FMNL3: variants seen among roughly 807,000 people sequenced by gnomAD.
FMNL3 encodes formin-like protein 3.
Under a neutral mutation model 119.6 loss-of-function variants are expected in FMNL3, and 57 were observed. That is an observed-to-expected ratio of 0.48 (90% CI 0.39 to 0.59). The LOEUF is 0.59. FMNL3 is among the 20% of genes least tolerant of loss of function. The pLI is 0.00. For synonymous variants in FMNL3, 491 were observed against 507.3 expected (o/e 0.97, Z 0.43); for missense variants, 1,053 against 1,323.5 (o/e 0.80, Z 3.17).
chr12:49,674,624 A>G (rs1045939463), intron 1 of FMNL3, among the ~76,000 whole-genome samples: 2 of 152,234 alleles, frequency 1.3e-5, no homozygotes, highest in African/African-American at 2.4e-5. Context: ...ACCACATGAC[A>G]AAAGGCATAA....
At chr12:49,654,820 T>C in intron 10 of FMNL3, 90 bp downstream of exon 10, 1 of 1,220,348 alleles carries the variant, frequency 8.2e-7, no homozygotes, top group South Asian at 1.4e-5. Context: ...ACGTGGAATA[T>C]CAAGATACGC....
At chr12:49,668,731 T>C (rs1006289003) in intron 1 of FMNL3, among the ~76,000 whole-genome samples, 177 bp from the exon 2 acceptor site, 2 of 152,162 alleles carry the variant, frequency 1.3e-5, no homozygotes, top group African/African-American at 2.4e-5. Context: ...TCATGTTTGG[T>C]TGAGCAATGT....
At chr12:49,692,849 G>C (rs1944642477) in intron 1 of FMNL3, among the ~76,000 whole-genome samples, 1 of 152,142 alleles carries the variant, frequency 6.6e-6, no homozygotes, top group South Asian at 2.1e-4. Flanking sequence ...TAGTAAGTGG[G>C]GAAGATCTGA....
Position 49,642,125 on chromosome 12 carries a change from G to A in FMNL3, c.*3690C>T. 5 of 1,603,246 alleles carry A rather than the reference G, an allele frequency of 3.1e-6. No individual in the cohort carries two copies. The highest frequency in any genetic ancestry group is 4.3e-6 in the Non-Finnish European group (5 of 1,172,474). ...CACTGACTATATTCCCAATTCAGGG[G>A]ATGGTGGTAGAAGCCCAGACCCTAA... On this transcript the variant is annotated 3_prime_UTR_variant, in exon 26 of 26. Transcript: ENST00000335154. The surrounding 1 kb of genome is among the most constrained non-coding windows in gnomAD (Gnocchi z 5.8).
chr12:49,646,263 TATGAG>T (rs1943180111), intron 25 of FMNL3, among the ~76,000 whole-genome samples: 2 of 152,136 alleles, frequency 1.3e-5, no homozygotes, highest in African/African-American at 4.8e-5. Flanking sequence ...CCAGAGCTCT[TATGAG>T]AAGAGAACCG....
At chr12:49,652,714 G>A (rs2138749218) in intron 13 of FMNL3, among the ~76,000 whole-genome samples, 1 of 152,292 alleles carries the variant, frequency 6.6e-6, no homozygotes, top group East Asian at 1.9e-4. Context: ...GCTCAACAGA[G>A]CCAGCATATA....
chr12:49,653,611 G>A lies in FMNL3; in HGVS notation c.1221+114C>T, dbSNP rs375697900. ...TGAGTATGCTCTTGAGAGCCCTGGT[G>A]GGTTCTAAAGCCTCCCTGGGACTCA... On this transcript the variant is annotated intron_variant, in intron 12 of 25. Coordinates refer to ENST00000335154, the MANE Select transcript of FMNL3 (RefSeq NM_175736.5). 1.0e-5 allele frequency: 15 copies of A among 1,446,072 alleles called. No homozygotes were observed. In the South Asian group the frequency reaches 1.8e-4, roughly 18 times the overall value. The allele number at this position is 1,446,072 out of a possible 1,614,324, so 89.6% of individuals were successfully genotyped here.
chr12:49,693,876 G>A (rs371429087), intron 1 of FMNL3, among the ~76,000 whole-genome samples: 142 of 151,790 alleles, frequency 9.4e-4, no homozygotes, highest in African/African-American at 3.1e-3. Context: ...TCAAACTCCC[G>A]ACCTCAGGTG....
At chr12:49,646,807 A>G (rs1943211776) in intron 25 of FMNL3, 79 bp downstream of exon 25, 2 of 1,605,062 alleles carry the variant, frequency 1.2e-6, no homozygotes, top group South Asian at 2.2e-5. Flanking sequence ...GTGGGGTGGG[A>G]GGAGAGCCCA....
intron 5 of FMNL3, among the ~76,000 whole-genome samples, chr12:49,659,318 G>C (rs1260407998): frequency 6.6e-6 from 1 of 152,166 alleles, no homozygotes; most frequent in African/African-American, 2.4e-5. Context: ...TGAGATTGTA[G>C]ACCAGGGTCC....
At chr12:49,696,845 C>T (rs1944763397) in intron 1 of FMNL3, among the ~76,000 whole-genome samples, 1 of 152,202 alleles carries the variant, frequency 6.6e-6, no homozygotes, top group African/African-American at 2.4e-5. Context: ...GAACCAATAA[C>T]CAGGGCTCCT....
intron 1 of FMNL3, among the ~76,000 whole-genome samples, chr12:49,699,976 A>C (rs758473582): frequency 4.6e-4 from 70 of 152,372 alleles, no homozygotes; most frequent in Admixed American, 5.9e-4. Flanking sequence ...AAACGCCTTT[A>C]AAAACCATAT....
chr12:49,667,568 A>C (rs148935765), intron 2 of FMNL3, among the ~76,000 whole-genome samples: 1 of 152,250 alleles, frequency 6.6e-6, no homozygotes, highest in African/African-American at 2.4e-5. Flanking sequence ...CCCTGGCTTC[A>C]TCACCTACTA....
chr12:49,677,719 C>T (rs1440182863), intron 1 of FMNL3, among the ~76,000 whole-genome samples: 1 of 152,142 alleles, frequency 6.6e-6, no homozygotes, highest in African/African-American at 2.4e-5. Flanking sequence ...GAAAGGTATA[C>T]ATGCAAATCA....
Position 49,645,695 on chromosome 12 carries a change from T to C in FMNL3, c.*120A>G. On this transcript the variant is annotated 3_prime_UTR_variant, in exon 26 of 26. Coordinates refer to ENST00000335154, the MANE Select transcript of FMNL3 (RefSeq NM_175736.5). Reference sequence around the variant, plus strand: ...AGTAGAAAGATCCAGCCTCAAGAGCTGGGGCGGACATGGTTGAGAGAGCAA... The same window carrying C: ...AGTAGAAAGATCCAGCCTCAAGAGCCGGGGCGGACATGGTTGAGAGAGCAA... 1 of 793,790 alleles carries C rather than the reference T, an allele frequency of 1.3e-6. No homozygotes were observed. The highest frequency in any genetic ancestry group is 1.9e-6 in the Non-Finnish European group (1 of 515,212). The allele number at this position is 793,790 out of a possible 1,614,324, so 49.2% of individuals were successfully genotyped here.
At chr12:49,662,771 C>T (rs139438466) in intron 4 of FMNL3, among the ~76,000 whole-genome samples, 1 of 152,280 alleles carries the variant, frequency 6.6e-6, no homozygotes, top group Non-Finnish European at 1.5e-5. Flanking sequence ...GACCATATCC[C>T]AGGGCATTAT....
chr12:49,698,520 C>T (rs1200239650), intron 1 of FMNL3, among the ~76,000 whole-genome samples: 2 of 87,170 alleles, frequency 2.3e-5, no homozygotes, highest in Non-Finnish European at 4.3e-5. Context: ...CTGCTCCCCA[C>T]CCCCAAAAAA....
chr12:49,666,008 GA>G, intron 3 of FMNL3, 100 bp from the exon 4 acceptor site: 1 of 1,543,814 alleles, frequency 6.5e-7, no homozygotes, highest in Non-Finnish European at 9.0e-7. Context: ...ACAGAACCCT[GA>G]AATCCAACTC....
intron 9 of FMNL3, 114 bp downstream of exon 9, chr12:49,656,290 A>G: frequency 2.7e-6 from 2 of 742,064 alleles, no homozygotes; most frequent in Non-Finnish European, 2.2e-6. Context: ...TGCTTGGCCA[A>G]GCATTGGGAT....
Sources: gnomAD v4.1 joint callset for allele counts (sites outside exome capture counted in the v4.1 genomes callset) on GRCh38, gnomAD v4.1.1 for gene constraint, Gnocchi (gnomAD v3.1) non-coding constraint, MANE v1.5 for transcripts, NCBI Gene and HGNC (gene_info 2026-07-23, HGNC 2026-07-21) for gene names.